TXNRD1: variants seen among roughly 807,000 people sequenced by gnomAD.
TXNRD1 encodes the protein thioredoxin reductase 1, cytoplasmic.
Under a neutral mutation model 80.3 loss-of-function variants are expected in TXNRD1, and 57 were observed. The observed-to-expected ratio is 0.71, with a 90% confidence interval of 0.57 to 0.89. The LOEUF is 0.89. Ranked by LOEUF, TXNRD1 falls within the 40% of genes least tolerant of loss-of-function variation. The probability of loss-of-function intolerance (pLI) is 0.00; values close to 1 mark genes in which losing one functional copy is unlikely to be tolerated. For missense variants in TXNRD1, 730 were observed against 803.0 expected, an observed-to-expected ratio of 0.91 and a Z score of 1.10; for synonymous variants, 291 against 285.2, an observed-to-expected ratio of 1.02 and a Z score of -0.20.
At chr12:104,314,136 A>G (rs2035233418) in intron 6 of TXNRD1, among the ~76,000 whole-genome samples, 1 of 152,184 alleles carries the variant, frequency 6.6e-6, no homozygotes, top group South Asian at 2.1e-4. Flanking sequence ...TGGTAGTGTG[A>G]GATGAGACCA....
chr12:104,319,242 T>G (rs1292107665), intron 8 of TXNRD1, among the ~76,000 whole-genome samples, 187 bp downstream of exon 8: 1 of 152,236 alleles, frequency 6.6e-6, no homozygotes, highest in Non-Finnish European at 1.5e-5. Flanking sequence ...AGTGTAAGTA[T>G]GCTGGACCAG....
chr12:104,304,348 G>A, intron 4 of TXNRD1: 1 of 1,614,044 alleles, frequency 6.2e-7, no homozygotes, highest in East Asian at 2.2e-5. Flanking sequence ...ATCCTGACAA[G>A]TTGAGTGATT....
At chr12:104,340,649 G>A (rs377337991) in intron 16 of TXNRD1, among the ~76,000 whole-genome samples, 2 of 152,260 alleles carry the variant, frequency 1.3e-5, no homozygotes, top group African/African-American at 4.8e-5. Context: ...CTCATCCCTT[G>A]TGTGTCTGTG....
intron 1 of TXNRD1, among the ~76,000 whole-genome samples, chr12:104,245,878 G>C (rs1197455677): frequency 6.6e-6 from 1 of 152,066 alleles, no homozygotes; most frequent in Non-Finnish European, 1.5e-5. Flanking sequence ...GGGAGGCCGA[G>C]GCGGGCGTAT....
At chr12:104,297,055 G>A (rs1364974306) in intron 4 of TXNRD1, among the ~76,000 whole-genome samples, 1 of 152,156 alleles carries the variant, frequency 6.6e-6, no homozygotes, top group African/African-American at 2.4e-5. Context: ...TGTAATCCCA[G>A]CACTTTGAGA....
chr12:104,306,639 G>A (rs2034927554), intron 4 of TXNRD1, among the ~76,000 whole-genome samples: 3 of 152,172 alleles, frequency 2.0e-5, no homozygotes, highest in African/African-American at 7.2e-5. Context: ...TAATAGAGTA[G>A]AGGTTTTAGC....
Position 104,328,683 on chromosome 12 carries a change from C to T in TXNRD1, c.1542+1012C>T, listed in dbSNP as rs530586938. Reference sequence around the variant, plus strand: ...CTGAGGCAGGAGAATGGCCTGAACCCGGGAGGCGGAGCTTGCCGTGAGCCG... The same window carrying T: ...CTGAGGCAGGAGAATGGCCTGAACCTGGGAGGCGGAGCTTGCCGTGAGCCG... On this transcript the variant is annotated intron_variant, in intron 13 of 16. Transcript: ENST00000525566. 1.6e-4 allele frequency among the ~76,000 whole-genome samples: 24 copies of T among 149,968 alleles called. No individual in the cohort carries two copies. In the South Asian group the frequency reaches 1.9e-3, roughly 12 times the overall value.
chr12:104,332,100 T>G (rs1275779746), intron 14 of TXNRD1, among the ~76,000 whole-genome samples: 4 of 152,132 alleles, frequency 2.6e-5, no homozygotes, highest in African/African-American at 9.7e-5. Context: ...AAAGAAAAAA[T>G]AAAAATTTTT....
intron 4 of TXNRD1, among the ~76,000 whole-genome samples, chr12:104,303,571 C>T (rs938193190): frequency 6.6e-6 from 1 of 152,222 alleles, no homozygotes; most frequent in Non-Finnish European, 1.5e-5. Flanking sequence ...GTCCCCTGAG[C>T]GGGCATTAGT....
At chr12:104,294,527 T>G (rs1216053727) in intron 4 of TXNRD1, among the ~76,000 whole-genome samples, 1 of 152,202 alleles carries the variant, frequency 6.6e-6, no homozygotes, top group Admixed American at 6.5e-5. Flanking sequence ...GAATAAGAAG[T>G]AATTGCTACC....
chr12:104,348,947 C>T lies in TXNRD1; in HGVS notation c.*526C>T, dbSNP rs984069893. The T allele has an allele frequency of 3.2e-5, 5 of 155,144 alleles. No homozygotes were observed. Among genetic ancestry groups the T allele is most frequent in the East Asian group, 1.9e-4 (1 of 5,230 alleles). 9.6% of individuals were successfully genotyped at this position (155,144 alleles called of 1,614,324 possible). A position where few individuals can be genotyped will look rare whatever the true frequency, so the allele number is the denominator to read the frequency against. ...CCTTGGAGGCTATGTAGGCTTGTCCCGGGAAAGAGAACTGTCCTGCAGCTG... is the reference window on the plus strand; with the variant it reads ...CCTTGGAGGCTATGTAGGCTTGTCCTGGGAAAGAGAACTGTCCTGCAGCTG... On this transcript the variant is annotated 3_prime_UTR_variant, in exon 17 of 17. Transcript: ENST00000525566.
chr12:104,315,668 A>G, intron 6 of TXNRD1, 109 bp from the exon 7 acceptor site: 1 of 1,303,264 alleles, frequency 7.7e-7, no homozygotes, highest in Non-Finnish European at 1.0e-6. Flanking sequence ...CACATTAAGC[A>G]AATATAATAC....
intron 3 of TXNRD1, chr12:104,265,267 A>AAAC: frequency 3.3e-6 from 5 of 1,527,174 alleles, no homozygotes; most frequent in Non-Finnish European, 4.4e-6. Flanking sequence ...AAAAAAAAAA[A>AAAC]AACTTCCTTT....
intron 16 of TXNRD1, among the ~76,000 whole-genome samples, chr12:104,344,528 T>C (rs1383306899): frequency 2.6e-5 from 4 of 152,194 alleles, no homozygotes; most frequent in Non-Finnish European, 4.4e-5. Context: ...ACAGAGTTTA[T>C]AGTGATCAGA....
At chr12:104,276,049 A>G (rs1437030503) in intron 3 of TXNRD1, among the ~76,000 whole-genome samples, 1 of 152,224 alleles carries the variant, frequency 6.6e-6, no homozygotes, top group African/African-American at 2.4e-5. Flanking sequence ...TCTTATAACT[A>G]TTGAGCTATA....
At chr12:104,266,441 G>T (rs545504598) in intron 3 of TXNRD1, among the ~76,000 whole-genome samples, 6 of 147,166 alleles carry the variant, frequency 4.1e-5, no homozygotes, top group African/African-American at 1.5e-4. Flanking sequence ...TAGGAGAATC[G>T]CTTGAACCCG....
intron 1 of TXNRD1, among the ~76,000 whole-genome samples, chr12:104,222,247 A>T (rs547528438): frequency 1.3e-5 from 2 of 152,316 alleles, no homozygotes; most frequent in Admixed American, 1.3e-4. Flanking sequence ...TTTTGAATGT[A>T]TAGAAGTGGC....
chr12:104,308,154 C>T (rs12368901), intron 4 of TXNRD1, among the ~76,000 whole-genome samples: 26,832 of 152,068 alleles, frequency 0.18, 3,126 homozygotes, highest in Non-Finnish European at 0.27. Context: ...TGCCACCACG[C>T]CCAGCTAATT....
In TXNRD1 at chr12:104,216,638, A is replaced by T. The variant is rs1016292291; in HGVS notation, c.91+745A>T. On this transcript the variant is annotated intron_variant, in intron 1 of 16. Coordinates refer to ENST00000525566, the MANE Select transcript of TXNRD1 (RefSeq NM_001093771.3). ...TGAGAGATTTATCATAAACCCCATT[A>T]TACAGATGAAGAAACTGAGAAGCAA... Among the ~76,000 whole-genome samples the T allele has an allele frequency of 9.2e-5, 14 of 152,324 alleles. No individual in the cohort carries two copies. The South Asian group carries it at 2.3e-3, about 25-fold the overall frequency.
Sources: gnomAD v4.1 joint callset for allele counts (sites outside exome capture counted in the v4.1 genomes callset) on GRCh38, gnomAD v4.1.1 for gene constraint, MANE v1.5 for transcripts, NCBI Gene and HGNC (gene_info 2026-07-23, HGNC 2026-07-21) for gene names.